Variants in EPHB1 observed in about 807,000 individuals in gnomAD.
EPHB1 encodes the protein ephrin type-B receptor 1.
Under a neutral mutation model 94.4 loss-of-function variants are expected in EPHB1, and 30 were observed. The observed-to-expected ratio is 0.32, with a 90% CI of 0.24 to 0.43. The LOEUF is 0.43. Among genes scored for constraint, EPHB1 ranks in the 20% least tolerant of loss-of-function variants. EPHB1 has a pLI of 1.00. For missense variants in EPHB1, 1,055 were observed against 1,308.3 expected (o/e 0.81, Z 2.99); for synonymous variants, 522 against 489.1 (o/e 1.07, Z -0.89).
At chr3:134,824,231 T>C (rs2036434992) in intron 1 of EPHB1, among the ~76,000 whole-genome samples, 1 of 150,386 alleles carries the variant, frequency 6.6e-6, no homozygotes. Flanking sequence ...CCCATTGATA[T>C]GGCGTATCAG....
At chr3:135,079,336 A>G (rs1559821481) in intron 3 of EPHB1, among the ~76,000 whole-genome samples, 2 of 152,080 alleles carry the variant, frequency 1.3e-5, no homozygotes, top group African/African-American at 4.8e-5. Flanking sequence ...ATATGAGGAG[A>G]CTTCTGCCTT....
intron 10 of EPHB1, among the ~76,000 whole-genome samples, chr3:135,181,790 A>G (rs973973896): frequency 2.6e-5 from 4 of 152,198 alleles, no homozygotes; most frequent in Admixed American, 2.0e-4. Context: ...TAAAAGGACA[A>G]TTGATAGTTC....
intron 3 of EPHB1, among the ~76,000 whole-genome samples, chr3:134,997,931 G>A (rs1935046622): frequency 6.6e-6 from 1 of 152,200 alleles, no homozygotes; most frequent in African/African-American, 2.4e-5. Context: ...GAGACCCAGT[G>A]AGGTTTTATA....
chr3:134,863,601 G>T (rs1167279132), intron 1 of EPHB1, among the ~76,000 whole-genome samples: 4 of 152,228 alleles, frequency 2.6e-5, no homozygotes, highest in African/African-American at 9.6e-5. Context: ...ACTATACTTG[G>T]TTTGAGGGAA....
In EPHB1 at chr3:134,854,664, C is replaced by A. The variant is rs76641479; in HGVS notation, c.58+58975C>A. 3.1e-3 allele frequency among the ~76,000 whole-genome samples: 469 copies of A among 152,136 alleles called. 2 individuals are homozygous for A. The highest frequency in any genetic ancestry group is 0.011 in the African/African-American group (452 of 41,502). On this transcript the variant is annotated intron_variant, in intron 1 of 15. Coordinates refer to ENST00000398015, the MANE Select transcript of EPHB1 (RefSeq NM_004441.5). ...ATCGCTTTGTATGTCCTGTGGACCC[C>A]GTGACCCGTGTAACTGATCAGGTTT... is the stretch of plus-strand genomic sequence containing the variant.
intron 1 of EPHB1, among the ~76,000 whole-genome samples, chr3:134,846,823 C>T (rs1157409449): frequency 5.9e-5 from 9 of 152,060 alleles, no homozygotes; most frequent in Admixed American, 2.6e-4. Context: ...ATTTACCCAG[C>T]GAAGTCACCT....
intron 3 of EPHB1, among the ~76,000 whole-genome samples, chr3:135,057,501 T>G (rs1937381638): frequency 6.6e-6 from 1 of 152,186 alleles, no homozygotes; most frequent in Non-Finnish European, 1.5e-5. Context: ...CCATCTGTGA[T>G]GCTCACTGAT....
intron 1 of EPHB1, among the ~76,000 whole-genome samples, chr3:134,901,045 T>G (rs2038190851): frequency 6.6e-6 from 1 of 152,166 alleles, no homozygotes; most frequent in South Asian, 2.1e-4. Flanking sequence ...GCTTGGGATG[T>G]GGAACTTCTT....
intron 4 of EPHB1, among the ~76,000 whole-genome samples, chr3:135,132,085 T>C (rs1940439632): frequency 6.6e-6 from 1 of 152,214 alleles, no homozygotes. Context: ...TCTTACGTCA[T>C]GGGGCCCAAA....
In EPHB1 at chr3:135,052,909, A is replaced by ATATATATATATGTG. The variant is rs1217744067; in HGVS notation, c.806-53538_806-53537insATATATATATGTGT. 4.0e-3 allele frequency among the ~76,000 whole-genome samples: 273 copies of ATATATATATATGTG among 68,740 alleles called. 2 individuals are homozygous for ATATATATATATGTG. The highest frequency in any genetic ancestry group is 0.014 in the East Asian group (39 of 2,696). The allele number at this position is 68,740 out of a possible 152,430, so 45.1% of individuals were successfully genotyped here. A position where few individuals can be genotyped will look rare whatever the true frequency, so the allele number is the denominator to read the frequency against. On this transcript the variant is annotated intron_variant, in intron 3 of 15. Transcript: ENST00000398015. ...AAAAAAAATATATATATATATATAT[A>ATATATATATATGTG]TGTGTGTGTGTGTGTGTGTGTGTAT...
At chr3:135,159,229 A>C (rs1351498102) in intron 6 of EPHB1, among the ~76,000 whole-genome samples, 1 of 152,184 alleles carries the variant, frequency 6.6e-6, no homozygotes, top group Non-Finnish European at 1.5e-5. Context: ...GCTCTTACTG[A>C]TTTGCCTGAA....
intron 10 of EPHB1, among the ~76,000 whole-genome samples, chr3:135,185,381 C>G (rs745619682): frequency 3.9e-5 from 6 of 152,128 alleles, no homozygotes; most frequent in Non-Finnish European, 5.9e-5. Flanking sequence ...GAAGTTACGG[C>G]AAGAAGCATT....
intron 12 of EPHB1, among the ~76,000 whole-genome samples, chr3:135,214,863 C>T (rs1480168045): frequency 6.6e-6 from 1 of 152,172 alleles, no homozygotes; most frequent in African/African-American, 2.4e-5. Flanking sequence ...ATTTCTAGAA[C>T]TTTCTTTCCC....
intron 4 of EPHB1, among the ~76,000 whole-genome samples, chr3:135,129,214 G>A (rs929083492): frequency 6.6e-6 from 1 of 151,898 alleles, no homozygotes; most frequent in African/African-American, 2.4e-5. Context: ...GGGTGGGGGT[G>A]GGGGAGGAAA....
At chr3:135,236,409 T>C (rs536691611) in intron 12 of EPHB1, among the ~76,000 whole-genome samples, 1 of 152,196 alleles carries the variant, frequency 6.6e-6, no homozygotes, top group African/African-American at 2.4e-5. Flanking sequence ...GCAAAGGCCC[T>C]GTTTCCAAAG....
intron 6 of EPHB1, among the ~76,000 whole-genome samples, chr3:135,154,962 G>A (rs191660772): frequency 2.6e-4 from 39 of 152,246 alleles, no homozygotes; most frequent in African/African-American, 7.7e-4. Context: ...AGTGCCTTCC[G>A]TTTTAACCCA....
chr3:135,110,052 G>A (rs1205399515), intron 4 of EPHB1, among the ~76,000 whole-genome samples: 2 of 152,214 alleles, frequency 1.3e-5, no homozygotes, highest in Non-Finnish European at 2.9e-5. Flanking sequence ...TTTACTGGGG[G>A]ACGAAATGGA....
Position 134,989,467 on chromosome 3 carries a change from A to G in EPHB1, c.805+37415A>G, listed in dbSNP as rs1002153761. The stretch of plus-strand genomic sequence containing the variant: ...GTTACACATTTCTATTGACATTTCA[A>G]TACACACGCCTGCACACGCACGCGC... On this transcript the variant is annotated intron_variant, in intron 3 of 15. Coordinates refer to ENST00000398015, the MANE Select transcript of EPHB1 (RefSeq NM_004441.5). Among the ~76,000 whole-genome samples the G allele has an allele frequency of 2.6e-5, 4 of 150,962 alleles. No homozygotes were observed. The East Asian group carries it at 7.7e-4, about 29-fold the overall frequency.
At chr3:134,903,268 C>A (rs901825178) in intron 1 of EPHB1, among the ~76,000 whole-genome samples, 1 of 152,212 alleles carries the variant, frequency 6.6e-6, no homozygotes, top group East Asian at 1.9e-4. Flanking sequence ...GCTCTGAGAG[C>A]CTGCTCAGGG....
Sources: gnomAD v4.1 joint callset for allele counts (sites outside exome capture counted in the v4.1 genomes callset) on GRCh38, gnomAD v4.1.1 for gene constraint, MANE v1.5 for transcripts, NCBI Gene and HGNC (gene_info 2026-07-23, HGNC 2026-07-21) for gene names.